RBFOX1: variants seen among roughly 807,000 people sequenced by gnomAD.
RBFOX1 encodes RNA binding protein fox-1 homolog 1.
RBFOX1 carries 8 observed loss-of-function variants against 57.7 expected under a neutral mutation model. That is an observed-to-expected ratio of 0.14 (90% CI 0.08 to 0.25). The LOEUF (loss-of-function observed/expected upper bound fraction) is 0.25, where lower values mean the gene tolerates loss of function less well. Ranked by LOEUF, RBFOX1 falls within the 10% of genes least tolerant of loss-of-function variation. The pLI, the probability that RBFOX1 is intolerant of heterozygous loss-of-function variation, is 1.00. For missense variants in RBFOX1, 611 were observed against 548.5 expected, an observed-to-expected ratio of 1.11 and a Z score of -1.14; for synonymous variants, 326 against 222.4, an observed-to-expected ratio of 1.47 and a Z score of -4.15.
At chr16:5,718,454 A>G (rs1030893837) in intron 3 of RBFOX1, among the ~76,000 whole-genome samples, 1 of 152,244 alleles carries the variant, frequency 6.6e-6, no homozygotes, top group Non-Finnish European at 1.5e-5. Flanking sequence ...TATTTTGATG[A>G]TAGCTAACTG....
intron 1 of RBFOX1, among the ~76,000 whole-genome samples, chr16:6,210,008 C>A (rs988326509): frequency 4.6e-5 from 7 of 151,838 alleles, no homozygotes; most frequent in Non-Finnish European, 1.0e-4. Flanking sequence ...CATCTAGGAA[C>A]ATGACAAAGT....
At chr16:6,352,629 A>G (rs1599960615) in intron 2 of RBFOX1, among the ~76,000 whole-genome samples, 1 of 152,326 alleles carries the variant, frequency 6.6e-6, no homozygotes, top group East Asian at 1.9e-4. Flanking sequence ...TTGGGTTACC[A>G]TGCGAAGTCA....
chr16:6,086,921 G>A (rs929955809), intron 1 of RBFOX1, among the ~76,000 whole-genome samples: 1 of 152,172 alleles, frequency 6.6e-6, no homozygotes, highest in Non-Finnish European at 1.5e-5. Context: ...TTTAGAGAAA[G>A]ACCAAGTATA....
intron 3 of RBFOX1, among the ~76,000 whole-genome samples, chr16:6,976,413 C>T (rs971404958): frequency 6.6e-6 from 1 of 151,996 alleles, no homozygotes; most frequent in Admixed American, 6.6e-5. Context: ...TTTCCAGAGG[C>T]GAGCATGTTT....
At chr16:5,250,632 C>G (rs1464862647) in intron 1 of RBFOX1, among the ~76,000 whole-genome samples, 1 of 152,204 alleles carries the variant, frequency 6.6e-6, no homozygotes, top group African/African-American at 2.4e-5. Flanking sequence ...TGGAATAATG[C>G]TATATTCATT....
chr16:6,864,307 C>A (rs2039666345), intron 3 of RBFOX1, among the ~76,000 whole-genome samples: 1 of 152,208 alleles, frequency 6.6e-6, no homozygotes, highest in South Asian at 2.1e-4. Flanking sequence ...TTCATTCTTT[C>A]CTTATCCTAT....
intron 2 of RBFOX1, among the ~76,000 whole-genome samples, chr16:6,603,695 T>G (rs921611364): frequency 6.6e-6 from 1 of 152,136 alleles, no homozygotes. Context: ...CCTACCCCAA[T>G]CCTCTTCTTT....
At chr16:6,443,468 T>G (rs1203325051) in intron 2 of RBFOX1, among the ~76,000 whole-genome samples, 1 of 152,188 alleles carries the variant, frequency 6.6e-6, no homozygotes, top group African/African-American at 2.4e-5. Context: ...GTGAAGCATT[T>G]ATCCCCAGAA....
intron 4 of RBFOX1, among the ~76,000 whole-genome samples, chr16:5,977,659 A>G (rs2060092263): frequency 6.6e-6 from 1 of 152,062 alleles, no homozygotes; most frequent in Non-Finnish European, 1.5e-5. Flanking sequence ...GAGAAAACCA[A>G]CTGCTGATTG....
intron 3 of RBFOX1, among the ~76,000 whole-genome samples, chr16:5,855,010 A>G (rs1567629041): frequency 6.6e-6 from 1 of 152,166 alleles, no homozygotes; most frequent in Non-Finnish European, 1.5e-5. Context: ...CCTGTTGCCC[A>G]TTTGTACATC....
At chr16:5,730,936 CCAT>C (rs1232495088) in intron 3 of RBFOX1, among the ~76,000 whole-genome samples, 2 of 148,496 alleles carry the variant, frequency 1.3e-5, no homozygotes, top group Non-Finnish European at 3.1e-5. Flanking sequence ...ACTGGTGTCA[CCAT>C]CATCACTATC....
chr16:6,946,327 A>G (rs965659115), intron 3 of RBFOX1, among the ~76,000 whole-genome samples: 1 of 152,212 alleles, frequency 6.6e-6, no homozygotes, highest in African/African-American at 2.4e-5. Context: ...ATTTACAAAA[A>G]TAGTCAGTGG....
At chr16:6,420,465 A>G (rs1449525021) in intron 2 of RBFOX1, among the ~76,000 whole-genome samples, 3 of 151,964 alleles carry the variant, frequency 2.0e-5, no homozygotes, top group African/African-American at 4.8e-5. Flanking sequence ...TGAATCAAGG[A>G]TGAACAAAGA....
intron 4 of RBFOX1, among the ~76,000 whole-genome samples, chr16:7,315,217 G>A (rs1479744064): frequency 6.6e-6 from 1 of 151,998 alleles, no homozygotes; most frequent in Non-Finnish European, 1.5e-5. Flanking sequence ...AGAAGACAGA[G>A]TAGGAGTTTG....
Position 6,632,612 on chromosome 16 carries a change from C to G in RBFOX1, c.-63-21991C>G, listed in dbSNP as rs73542185. 4.0e-3 allele frequency among the ~76,000 whole-genome samples: 603 copies of G among 152,282 alleles called. 4 individuals are homozygous for G. Among genetic ancestry groups the G allele is most frequent in the African/African-American group, 0.014 (575 of 41,560 alleles). ...GAGTCTCTTGAGGTTAGAAGGCAGG[C>G]CTGGCCATGGGTGTTTTGCTTGAGC... On this transcript the variant is annotated intron_variant, in intron 2 of 15. Transcript: ENST00000550418.
intron 2 of RBFOX1, among the ~76,000 whole-genome samples, chr16:6,521,278 G>A (rs968189355): frequency 3.3e-5 from 5 of 152,206 alleles, no homozygotes; most frequent in East Asian, 1.9e-4. Flanking sequence ...GTGCATGCAC[G>A]TTTTTAAAGA....
At chr16:7,544,055 C>T (rs2083736951) in intron 5 of RBFOX1, among the ~76,000 whole-genome samples, 1 of 152,138 alleles carries the variant, frequency 6.6e-6, no homozygotes. Context: ...TTCCATTTGT[C>T]TTCCCAATGA....
At chr16:5,677,984 G>A (rs974572402) in intron 3 of RBFOX1, among the ~76,000 whole-genome samples, 12 of 152,328 alleles carry the variant, frequency 7.9e-5, no homozygotes, top group African/African-American at 2.2e-4. Context: ...GTGGAGCACC[G>A]TGGGGCTCTG....
chr16:7,089,241 G>A (rs141683047), intron 4 of RBFOX1, among the ~76,000 whole-genome samples: 1,602 of 152,198 alleles, frequency 0.011, 16 homozygotes, highest in Non-Finnish European at 0.016. Context: ...TCGAGCTTGC[G>A]TATCACGAAA....
Sources: allele counts gnomAD v4.1 joint callset (sites outside exome capture counted in the v4.1 genomes callset), GRCh38; gene constraint gnomAD v4.1.1; transcripts MANE v1.5; gene names NCBI Gene and HGNC (gene_info 2026-07-23, HGNC 2026-07-21).